The following CDH10 variants were observed in gnomAD, a reference collection of about 807,000 sequenced individuals.
CDH10 encodes the protein cadherin-10.
Under a neutral mutation model 73.1 loss-of-function variants are expected in CDH10, and 30 were observed. The ratio of observed to expected loss-of-function variants is 0.41; its 90% CI spans 0.31 to 0.56. The LOEUF (loss-of-function observed/expected upper bound fraction) is 0.56. Among genes scored for constraint, CDH10 ranks in the 20% least tolerant of loss-of-function variants. The pLI, the probability that CDH10 is intolerant of heterozygous loss-of-function variation, is 0.27. For synonymous variants in CDH10, 345 were observed against 348.2 expected, an observed-to-expected ratio of 0.99 and a Z score of 0.10; for missense variants, 815 against 973.7, an observed-to-expected ratio of 0.84 and a Z score of 2.17.
chr5:24,620,430 TGATTAGTAAATTAA>T (rs1240222388), intron 1 of CDH10, among the ~76,000 whole-genome samples: 1 of 152,184 alleles, frequency 6.6e-6, no homozygotes, highest in Non-Finnish European at 1.5e-5. Flanking sequence ...TCAGCCTTAA[TGATTAGTAAATTAA>T]GATAAGACCT....
intron 1 of CDH10, among the ~76,000 whole-genome samples, chr5:24,640,189 T>C (rs565498897): frequency 7.1e-4 from 108 of 151,834 alleles, no homozygotes; most frequent in Non-Finnish European, 1.2e-3. Flanking sequence ...CAATTTTTTT[T>C]AAAGCACATG....
intron 1 of CDH10, among the ~76,000 whole-genome samples, chr5:24,626,562 A>G (rs1747506891): frequency 6.6e-6 from 1 of 152,080 alleles, no homozygotes; most frequent in Non-Finnish European, 1.5e-5. Flanking sequence ...GGTTTGAGAA[A>G]CACTATTTTA....
At chr5:24,578,043 C>T (rs1745665709) in intron 2 of CDH10, among the ~76,000 whole-genome samples, 2 of 152,122 alleles carry the variant, frequency 1.3e-5, no homozygotes, top group South Asian at 4.1e-4. Context: ...AAATACCTGC[C>T]TCACCCCACC....
At chr5:24,574,535 C>T (rs1355039195) in intron 2 of CDH10, among the ~76,000 whole-genome samples, 2 of 151,932 alleles carry the variant, frequency 1.3e-5, no homozygotes, top group African/African-American at 2.4e-5. Context: ...ACAACCACCA[C>T]GGGAATATTG....
At chr5:24,598,049 C>G (rs1746430925) in intron 1 of CDH10, among the ~76,000 whole-genome samples, 1 of 151,900 alleles carries the variant, frequency 6.6e-6, no homozygotes, top group Non-Finnish European at 1.5e-5. Context: ...AGACCAAATA[C>G]AGTCTAATAA....
chr5:24,604,501 GA>G lies in CDH10; in HGVS notation c.-123-10889del, dbSNP rs201432007. Among the ~76,000 whole-genome samples the G allele has an allele frequency of 4.4e-3, 664 of 152,046 alleles. 8 individuals carry two copies. The highest frequency in any genetic ancestry group is 0.014 in the African/African-American group (599 of 41,488). ...GATACCTAAATCATGACACATAAAA[GA>G]AAAAAACTGACAAATTGCATTTGAT... On this transcript the variant is annotated intron_variant, in intron 1 of 11. Transcript: ENST00000264463.
rs13359608 is a variant in CDH10 at position 24,595,307 on chromosome 5, C to T, written c.-123-1694G>A. On this transcript the variant is annotated intron_variant, in intron 1 of 11. Coordinates refer to ENST00000264463, the MANE Select transcript of CDH10 (RefSeq NM_006727.5). ...ATCCACAGTAATTTGTTAGCAATCT[C>T]TTTACTTTTTGTTTCATTATTAAGA... Among the ~76,000 whole-genome samples the T allele has an allele frequency of 1.5e-3, 224 of 151,986 alleles. 2 individuals are homozygous for T. Among genetic ancestry groups the T allele is most frequent in the African/African-American group, 5.3e-3 (221 of 41,514 alleles).
Position 24,641,134 on chromosome 5 carries a change from C to G in CDH10, c.-124+3460G>C, listed in dbSNP as rs1029927049. Among the ~76,000 whole-genome samples, 95 of 151,960 alleles carry G rather than the reference C, an allele frequency of 6.3e-4. 1 individual carries two copies. The highest frequency in any genetic ancestry group is 2.3e-3 in the African/African-American group (95 of 41,486). ...GAAGGTATGGGAAAAGCAAAATGGA[C>G]TTATACGCTTTAGGTGCCCTTCTAT... On this transcript the variant is annotated intron_variant, in intron 1 of 11. Coordinates refer to ENST00000264463, the MANE Select transcript of CDH10 (RefSeq NM_006727.5).
intron 1 of CDH10, among the ~76,000 whole-genome samples, chr5:24,597,837 A>G (rs751910105): frequency 6.6e-6 from 1 of 151,986 alleles, no homozygotes; most frequent in Non-Finnish European, 1.5e-5. Context: ...CACACATCAC[A>G]GATGATCAAT....
At chr5:24,601,328 A>C (rs1448950050) in intron 1 of CDH10, among the ~76,000 whole-genome samples, 1 of 152,208 alleles carries the variant, frequency 6.6e-6, no homozygotes, top group African/African-American at 2.4e-5. Context: ...GCTCAGTCTC[A>C]AACAGTTAGT....
At chr5:24,497,974 CAGAAAA>C (rs1314342649) in intron 9 of CDH10, among the ~76,000 whole-genome samples, 2 of 152,204 alleles carry the variant, frequency 1.3e-5, no homozygotes, top group Admixed American at 6.5e-5. Context: ...CTGCACACAT[CAGAAAA>C]GTGATTAAAT....
At chr5:24,492,696 A>C (rs1437425910) in intron 10 of CDH10, 121 bp downstream of exon 10, 2 of 576,202 alleles carry the variant, frequency 3.5e-6, no homozygotes, top group Non-Finnish European at 6.3e-6. Flanking sequence ...ATACTTGATT[A>C]AAACAAAATT....
At chr5:24,593,030 C>T (rs1048775582) in intron 2 of CDH10, among the ~76,000 whole-genome samples, 6 of 151,350 alleles carry the variant, frequency 4.0e-5, no homozygotes, top group East Asian at 1.9e-4. Flanking sequence ...CTCTTTAATC[C>T]ATAAGTTATT....
chr5:24,555,829 T>A lies in CDH10; in HGVS notation c.232-18155A>T, dbSNP rs573337915. ...TATAAGCAACTGTCTTCTAGCAAGGTTAACATACGTCTATTGGGATTGGAG... is the reference window on the plus strand; with the variant it reads ...TATAAGCAACTGTCTTCTAGCAAGGATAACATACGTCTATTGGGATTGGAG... On this transcript the variant is annotated intron_variant, in intron 2 of 11. Coordinates refer to ENST00000264463, the MANE Select transcript of CDH10 (RefSeq NM_006727.5). Among the ~76,000 whole-genome samples, 3 of 152,188 alleles carry A rather than the reference T, an allele frequency of 2.0e-5. No individual in the cohort carries two copies. The East Asian group carries it at 5.8e-4, about 29-fold the overall frequency.
At chr5:24,539,303 T>C (rs1744071264) in intron 2 of CDH10, among the ~76,000 whole-genome samples, 1 of 152,032 alleles carries the variant, frequency 6.6e-6, no homozygotes, top group Admixed American at 6.6e-5. Flanking sequence ...TTACGTCCTA[T>C]TTAAGAAGAC....
chr5:24,570,949 A>G (rs11960361), intron 2 of CDH10, among the ~76,000 whole-genome samples: 141,302 of 152,090 alleles, frequency 0.93, 66,054 homozygotes, highest in East Asian at 1. Flanking sequence ...TTGAAGTCCT[A>G]CTGGCTTATT....
intron 2 of CDH10, among the ~76,000 whole-genome samples, chr5:24,563,775 CAAA>C (rs56666966): frequency 3.1e-5 from 4 of 128,778 alleles, no homozygotes; most frequent in South Asian, 2.4e-4. Flanking sequence ...CCCCCTCCAC[CAAA>C]AAAAAAAAAA....
intron 5 of CDH10, among the ~76,000 whole-genome samples, chr5:24,518,647 T>TC (rs2111802174): frequency 6.6e-6 from 1 of 152,214 alleles, no homozygotes; most frequent in African/African-American, 2.4e-5. Context: ...GTTGCAGGTT[T>TC]CCCTGCCTCC....
intron 5 of CDH10, among the ~76,000 whole-genome samples, chr5:24,531,625 G>A (rs764947782): frequency 5.9e-5 from 9 of 151,886 alleles, no homozygotes; most frequent in Admixed American, 1.3e-4. Flanking sequence ...TAATACCATC[G>A]GATCTCATGA....
Sources: allele counts gnomAD v4.1 joint callset (sites outside exome capture counted in the v4.1 genomes callset), GRCh38; gene constraint gnomAD v4.1.1; transcripts MANE v1.5; gene names NCBI Gene and HGNC (gene_info 2026-07-23, HGNC 2026-07-21).